The following NLRC3 variants were observed in gnomAD, a reference collection of about 807,000 sequenced individuals.
NLRC3 encodes NLR family CARD domain containing 3, also known as NLR family CARD domain-containing protein 3.
NLRC3 carries 87 observed loss-of-function variants against 91.6 expected under a neutral mutation model. That is an observed-to-expected ratio of 0.95 (90% CI 0.80 to 1.14). The LOEUF (loss-of-function observed/expected upper bound fraction) is 1.14, where lower values mean the gene tolerates loss of function less well. NLRC3 is among the 50% of genes most tolerant of loss of function. The pLI is 0.00. For missense variants in NLRC3, 1,577 were observed against 1,418.6 expected, an observed-to-expected ratio of 1.11 and a Z score of -1.79; for synonymous variants, 694 against 625.3, an observed-to-expected ratio of 1.11 and a Z score of -1.64.
intron 1 of NLRC3, among the ~76,000 whole-genome samples, chr16:3,571,509 A>C (rs1835690249): frequency 6.6e-6 from 1 of 150,878 alleles, no homozygotes; most frequent in South Asian, 2.1e-4. Flanking sequence ...GTGCCACTGC[A>C]ATCCAGCTTG....
At chr16:3,574,381 T>G (rs2151109749) in intron 1 of NLRC3, among the ~76,000 whole-genome samples, 2 of 152,018 alleles carry the variant, frequency 1.3e-5, no homozygotes, top group Middle Eastern at 6.8e-3. Flanking sequence ...GGATCTAGTT[T>G]AAGCTCCTCC....
rs1187774085 is a variant in NLRC3 at position 3,541,602 on chromosome 16, G to A, written c.*223C>T. The stretch of plus-strand genomic sequence containing the variant: ...TGGGGGTGGCCCCTCCCTTCTCTGT[G>A]CCATAACAGAGTACCCGTCACCCCC... On this transcript the variant is annotated 3_prime_UTR_variant, in exon 20 of 20. Transcript: ENST00000359128. 3.5e-6 allele frequency: 2 copies of A among 570,002 alleles called. No homozygotes were observed. The highest frequency in any genetic ancestry group is 5.8e-5 in the East Asian group (2 of 34,270). The allele number at this position is 570,002 out of a possible 1,614,324, so 35.3% of individuals were successfully genotyped here. A position where few individuals can be genotyped will look rare whatever the true frequency, so the allele number is the denominator to read the frequency against.
chr16:3,556,740 C>T (rs1056008917), intron 8 of NLRC3, among the ~76,000 whole-genome samples, 171 bp downstream of exon 8: 3 of 152,018 alleles, frequency 2.0e-5, no homozygotes, highest in African/African-American at 4.8e-5. Context: ...TGACCTCAAG[C>T]GATCCACCTG....
chr16:3,576,538 C>T (rs2040302768), intron 1 of NLRC3, among the ~76,000 whole-genome samples: 1 of 152,262 alleles, frequency 6.6e-6, no homozygotes, highest in African/African-American at 2.4e-5. Context: ...CACTGCCTGC[C>T]CGCAGCACCT....
chr16:3,547,089 C>A (rs1051781139), intron 15 of NLRC3, among the ~76,000 whole-genome samples: 1 of 152,216 alleles, frequency 6.6e-6, no homozygotes, highest in African/African-American at 2.4e-5. Flanking sequence ...CACACAGAAA[C>A]TGGTGCACAA....
At position 3,557,667 on chromosome 16, in the gene NLRC3, C is replaced by G. The variant is rs2039408679; in HGVS notation, c.2025G>C (p.Glu675Asp). 6.2e-7 allele frequency: 1 copy of G among 1,612,452 alleles called. No individual in the cohort carries two copies. The highest frequency in any genetic ancestry group is 2.2e-5 in the East Asian group (1 of 44,866). The change falls in exon 7 of 20, where the codon GAG becomes GAC. Residue 675 changes from glutamate (E) to aspartate (D), a missense_variant. By Grantham distance (45) the Glu-to-Asp change is conservative. Coordinates refer to ENST00000359128, the MANE Select transcript of NLRC3 (RefSeq NM_178844.4). ...DCRIQKISLA[E>D]NQISNKGAKA... ...TGGCCCCTTTGTTACTGATCTGGTT[C>G]TCCGCCAAGCTGCCCAAGGAAAGGG...
intron 1 of NLRC3, among the ~76,000 whole-genome samples, chr16:3,575,440 A>C (rs1177807286): frequency 6.6e-6 from 1 of 152,226 alleles, no homozygotes; most frequent in East Asian, 1.9e-4. Context: ...GACTGAGGAC[A>C]GGTGGGACTC....
chr16:3,570,234 G>C (rs1254454784), intron 1 of NLRC3, among the ~76,000 whole-genome samples: 3 of 152,010 alleles, frequency 2.0e-5, no homozygotes, highest in Non-Finnish European at 2.9e-5. Context: ...GCCTCCCAAA[G>C]TGCTGAGATT....
chr16:3,572,183 C>T (rs1161486746), intron 1 of NLRC3, among the ~76,000 whole-genome samples: 1 of 152,098 alleles, frequency 6.6e-6, no homozygotes, highest in African/African-American at 2.4e-5. Context: ...TGAAAAGATG[C>T]TCAGTGTCAC....
At chr16:3,562,890 T>C in intron 5 of NLRC3, 119 bp downstream of exon 5, 3 of 929,028 alleles carry the variant, frequency 3.2e-6, no homozygotes, top group Non-Finnish European at 5.1e-6. Flanking sequence ...ACCAAGTTCA[T>C]GGTCCTCTGT....
chr16:3,553,294 G>A (rs1278380216), intron 9 of NLRC3, among the ~76,000 whole-genome samples: 3 of 152,200 alleles, frequency 2.0e-5, no homozygotes, highest in Admixed American at 1.3e-4. Context: ...GCCTGGGAAT[G>A]TCTTTCATAA....
intron 5 of NLRC3, 129 bp downstream of exon 5, chr16:3,562,877 GCCA>G: frequency 1.2e-6 from 1 of 863,852 alleles, no homozygotes; most frequent in Non-Finnish European, 1.9e-6. Flanking sequence ...GTTGTTTTAA[GCCA>G]CCAAGTTCAT....
chr16:3,573,438 C>T (rs534941176), intron 1 of NLRC3, among the ~76,000 whole-genome samples: 1 of 152,266 alleles, frequency 6.6e-6, no homozygotes, highest in Admixed American at 6.5e-5. Context: ...CACACACACA[C>T]AAAAGCTAGC....
chr16:3,542,124 TG>T, intron 19 of NLRC3, 66 bp downstream of exon 19: 1 of 1,178,424 alleles, frequency 8.5e-7, no homozygotes, highest in Non-Finnish European at 1.2e-6. Flanking sequence ...CTCTCAGAAC[TG>T]GGCAAAAGGC....
In NLRC3 at chr16:3,563,268, CG is replaced by C; in HGVS notation, c.1668del (p.Asp557MetfsTer39). 1 of 1,605,594 alleles carries C rather than the reference CG, an allele frequency of 6.2e-7. No homozygotes were observed. Among genetic ancestry groups the C allele is most frequent in the Non-Finnish European group, 8.5e-7 (1 of 1,177,544 alleles). ...ATGGCCCGTGCACAGACTGCGGCAT[CG>C]GGGCGCAGGCAGCCCTGCAGGAGCT... ...VAELLQGCLR[P>X]DAAVCARAIN... On this transcript the variant is annotated frameshift_variant, in exon 5 of 20. Coordinates refer to ENST00000359128, the MANE Select transcript of NLRC3 (RefSeq NM_178844.4). LOFTEE classifies it high-confidence loss of function.
intron 9 of NLRC3, 143 bp from the exon 10 acceptor site, chr16:3,552,422 G>T: frequency 1.6e-6 from 1 of 638,846 alleles, no homozygotes; most frequent in Admixed American, 2.6e-5. Context: ...CTCCAGATGG[G>T]TCTTTGGATT....
rs1204159717 is a variant in NLRC3 at position 3,564,975 on chromosome 16, G to A, written c.62C>T (p.Pro21Leu). ...EAGQGHGTGSPAEQVKALMDL... is the reference protein window; with the variant it reads ...EAGQGHGTGSLAEQVKALMDL... The stretch of plus-strand genomic sequence containing the variant: ...CATGAGGGCTTTCACCTGCTCGGCT[G>A]GGGAGCCCGTACCGTGGCCCTGGCC... The change falls in exon 4 of 20, where the codon CCA becomes CTA. Residue 21 changes from proline (P) to leucine (L), a missense_variant. By Grantham distance (98) the Pro-to-Leu change is moderately conservative (BLOSUM62 -3). Coordinates refer to ENST00000359128, the MANE Select transcript of NLRC3 (RefSeq NM_178844.4). This position sits in a 1 kb window ranked among gnomAD's most constrained non-coding sequence, Gnocchi z 5.9. The A allele has an allele frequency of 3.1e-6, 5 of 1,610,312 alleles. No individual in the cohort carries two copies. Among genetic ancestry groups the A allele is most frequent in the Non-Finnish European group, 4.2e-6 (5 of 1,179,692 alleles).
intron 15 of NLRC3, among the ~76,000 whole-genome samples, chr16:3,546,418 G>A (rs1289135466): frequency 2.0e-5 from 3 of 150,860 alleles, no homozygotes; most frequent in Non-Finnish European, 3.0e-5. Context: ...AAAGCTGGGC[G>A]TGGTGTTGGG....
rs559281935 is a variant in NLRC3 at position 3,540,662 on chromosome 16, G to C, written c.*1163C>G. 14 of 152,360 alleles carry C rather than the reference G, an allele frequency of 9.2e-5. No individual in the cohort carries two copies. Among genetic ancestry groups the C allele is most frequent in the African/African-American group, 3.4e-4 (14 of 41,538 alleles). The allele number at this position is 152,360 out of a possible 1,614,324, so 9.4% of individuals were successfully genotyped here. A position where few individuals can be genotyped will look rare whatever the true frequency, so the allele number is the denominator to read the frequency against. On this transcript the variant is annotated 3_prime_UTR_variant, in exon 20 of 20. Coordinates refer to ENST00000359128, the MANE Select transcript of NLRC3 (RefSeq NM_178844.4). Reference sequence around the variant, plus strand: ...TACTAAAAATACAAAAATTAGCTGGGTGTGGTGGTGCGTGCCTGTAGACCC... The same window carrying C: ...TACTAAAAATACAAAAATTAGCTGGCTGTGGTGGTGCGTGCCTGTAGACCC...
Sources: gnomAD v4.1 joint callset for allele counts (sites outside exome capture counted in the v4.1 genomes callset) on GRCh38, gnomAD v4.1.1 for gene constraint, Gnocchi (gnomAD v3.1) non-coding constraint, MANE v1.5 for transcripts, NCBI Gene and HGNC (gene_info 2026-07-23, HGNC 2026-07-21) for gene names.